The following OPCML variants were observed in gnomAD, a reference collection of about 807,000 sequenced individuals.
OPCML encodes opioid binding protein/cell adhesion molecule like, also known as opioid-binding protein/cell adhesion molecule.
Under a neutral mutation model 37.8 loss-of-function variants are expected in OPCML, and 13 were observed. The observed-to-expected ratio is 0.34, with a 90% CI of 0.22 to 0.55. OPCML has a LOEUF of 0.55. Among genes scored for constraint, OPCML ranks in the 20% least tolerant of loss-of-function variants. The pLI, the probability that OPCML is intolerant of heterozygous loss-of-function variation, is 0.91. For synonymous variants in OPCML, 176 were observed against 168.8 expected (o/e 1.04, Z -0.33); for missense variants, 341 against 435.6 (o/e 0.78, Z 1.93).
intron 1 of OPCML, among the ~76,000 whole-genome samples, chr11:133,319,388 C>A (rs542357185): frequency 6.6e-6 from 1 of 152,146 alleles, no homozygotes; most frequent in African/African-American, 2.4e-5. Context: ...CTTAAGTCTC[C>A]CTTATGAGAC....
chr11:132,681,826 G>T (rs570501420), intron 2 of OPCML, among the ~76,000 whole-genome samples: 6 of 152,116 alleles, frequency 3.9e-5, no homozygotes, highest in Admixed American at 3.3e-4. Flanking sequence ...GTGGTGGCGG[G>T]CACCTGTATT....
At chr11:133,193,085 T>C (rs1462767146) in intron 1 of OPCML, among the ~76,000 whole-genome samples, 1 of 152,196 alleles carries the variant, frequency 6.6e-6, no homozygotes, top group Non-Finnish European at 1.5e-5. Flanking sequence ...AGTGCTTTTG[T>C]TGATAGTGGT....
At chr11:133,229,898 T>C (rs873415) in intron 1 of OPCML, among the ~76,000 whole-genome samples, 1,635 of 152,330 alleles carry the variant, frequency 0.011, 33 homozygotes, top group African/African-American at 0.036. Flanking sequence ...TGTGTGTGTG[T>C]GGATGTACAT....
intron 1 of OPCML, among the ~76,000 whole-genome samples, chr11:133,250,384 G>A (rs1279774218): frequency 1.4e-5 from 2 of 146,460 alleles, no homozygotes; most frequent in South Asian, 4.3e-4. Context: ...AAAGAAATGA[G>A]GAAGGAAGAA....
chr11:133,489,113 C>A (rs1266240861), intron 1 of OPCML, among the ~76,000 whole-genome samples: 1 of 151,980 alleles, frequency 6.6e-6, no homozygotes, highest in Non-Finnish European at 1.5e-5. Flanking sequence ...AGACCTGGAA[C>A]TATAAAAATC....
At chr11:133,143,397 T>C (rs1339836302) in intron 1 of OPCML, among the ~76,000 whole-genome samples, 1 of 152,188 alleles carries the variant, frequency 6.6e-6, no homozygotes, top group Admixed American at 6.5e-5. Flanking sequence ...TGGGGTGGAA[T>C]GACCAACATG....
At chr11:132,580,934 G>A (rs2096460882) in intron 3 of OPCML, among the ~76,000 whole-genome samples, 1 of 152,142 alleles carries the variant, frequency 6.6e-6, no homozygotes, top group Non-Finnish European at 1.5e-5. Context: ...TTTAACATGA[G>A]GGTAAGATTT....
chr11:133,427,148 A>G (rs1018704573), intron 1 of OPCML, among the ~76,000 whole-genome samples: 1 of 152,114 alleles, frequency 6.6e-6, no homozygotes, highest in Non-Finnish European at 1.5e-5. Flanking sequence ...CCTTCACTAC[A>G]GTTAGAGAAG....
chr11:132,700,682 G>T (rs961965481), intron 2 of OPCML, among the ~76,000 whole-genome samples: 1 of 152,088 alleles, frequency 6.6e-6, no homozygotes, highest in Non-Finnish European at 1.5e-5. Context: ...AATTTGTTAA[G>T]ACTTATTTTG....
At chr11:133,129,565 C>T (rs777614183) in intron 1 of OPCML, among the ~76,000 whole-genome samples, 3 of 152,104 alleles carry the variant, frequency 2.0e-5, no homozygotes, top group Non-Finnish European at 4.4e-5. Context: ...CAACAAGATA[C>T]AATTCCCCAT....
intron 1 of OPCML, among the ~76,000 whole-genome samples, chr11:133,204,058 CAAAAAAAAAAAAA>C (rs58343203): frequency 6.3e-4 from 42 of 66,494 alleles, no homozygotes; most frequent in African/African-American, 1.9e-3. Context: ...GACTCTGTCT[CAAAAAAAAAAAAA>C]AAAAAAAAAA....
intron 4 of OPCML, among the ~76,000 whole-genome samples, chr11:132,481,250 A>G (rs2096179383): frequency 6.6e-6 from 1 of 152,198 alleles, no homozygotes; most frequent in South Asian, 2.1e-4. Flanking sequence ...AATGGAAAAC[A>G]AAGGCAGGGG....
chr11:132,673,188 C>G (rs945458663), intron 2 of OPCML, among the ~76,000 whole-genome samples: 21 of 152,274 alleles, frequency 1.4e-4, no homozygotes, highest in African/African-American at 5.1e-4. Context: ...CTTCCTGACA[C>G]AGCACAGTTA....
chr11:132,783,529 A>G (rs1947103710), intron 2 of OPCML, among the ~76,000 whole-genome samples: 1 of 152,202 alleles, frequency 6.6e-6, no homozygotes, highest in Non-Finnish European at 1.5e-5. Context: ...GTTAATGTCT[A>G]TCAACTAATA....
chr11:132,821,503 C>T (rs1439264307), intron 2 of OPCML, among the ~76,000 whole-genome samples: 2 of 152,214 alleles, frequency 1.3e-5, no homozygotes, highest in Non-Finnish European at 1.5e-5. Context: ...ATTTAATGTG[C>T]TCTGATTCCC....
chr11:132,604,373 C>T (rs186257850), intron 3 of OPCML, among the ~76,000 whole-genome samples: 160 of 152,258 alleles, frequency 1.1e-3, no homozygotes, highest in African/African-American at 3.6e-3. Flanking sequence ...CCCTAACAGG[C>T]CCCTGAGCTT....
intron 1 of OPCML, among the ~76,000 whole-genome samples, chr11:132,955,169 G>A (rs531189775): frequency 2.6e-5 from 4 of 152,274 alleles, no homozygotes; most frequent in Admixed American, 2.0e-4. Context: ...GGGATCTGGG[G>A]GAGGTTGGCA....
intron 1 of OPCML, among the ~76,000 whole-genome samples, chr11:133,059,696 A>G (rs1591961880): frequency 6.6e-6 from 1 of 152,186 alleles, no homozygotes; most frequent in East Asian, 1.9e-4. Flanking sequence ...AAGTAGTATG[A>G]TTGTCTCAAG....
chr11:132,918,407 C>T (rs901595913), intron 2 of OPCML, among the ~76,000 whole-genome samples: 1 of 152,174 alleles, frequency 6.6e-6, no homozygotes, highest in East Asian at 1.9e-4. Context: ...CTTCCCTGTA[C>T]CTCCTGCAGC....
Sources: gnomAD v4.1 joint callset for allele counts (sites outside exome capture counted in the v4.1 genomes callset) on GRCh38, gnomAD v4.1.1 for gene constraint, MANE v1.5 for transcripts, NCBI Gene and HGNC (gene_info 2026-07-23, HGNC 2026-07-21) for gene names.